AFF4: variants seen among roughly 807,000 people sequenced by gnomAD.
The protein encoded by AFF4 is AF4/FMR2 family member 4.
Under a neutral mutation model 124.8 loss-of-function variants are expected in AFF4, and 13 were observed. The ratio of observed to expected loss-of-function variants is 0.10; its 90% CI spans 0.07 to 0.17. The LOEUF (loss-of-function observed/expected upper bound fraction) is 0.17. Among genes scored for constraint, AFF4 ranks in the 10% least tolerant of loss-of-function variants. The pLI, the probability that AFF4 is intolerant of heterozygous loss-of-function variation, is 1.00. For synonymous variants in AFF4, 477 were observed against 496.1 expected (o/e 0.96, Z 0.51); for missense variants, 1,092 against 1,403.8 (o/e 0.78, Z 3.55).
intron 5 of AFF4, among the ~76,000 whole-genome samples, chr5:132,908,917 C>A (rs1274589846): frequency 6.6e-6 from 1 of 150,856 alleles, no homozygotes; most frequent in African/African-American, 2.4e-5. Flanking sequence ...ATTACAGGCA[C>A]CTGCCACCAC....
Position 132,912,843 on chromosome 5 carries a change from GACACACACACAACAC to G in AFF4, c.1051-8454_1051-8440del, listed in dbSNP as rs903575660. Among the ~76,000 whole-genome samples, 3 of 145,080 alleles carry G rather than the reference GACACACACACAACAC, an allele frequency of 2.1e-5. No homozygotes were observed. In the East Asian group the frequency reaches 6.4e-4, roughly 31 times the overall value. On this transcript the variant is annotated intron_variant, in intron 5 of 20. Transcript: ENST00000265343. Reference sequence around the variant, plus strand: ...ATAAAATCACTTGAAGATAGAGGCTGACACACACACAACACACACACACACACACACACACACACA... The same window carrying G: ...ATAAAATCACTTGAAGATAGAGGCTGACACACACACACACACACACACACA...
At position 132,927,202 on chromosome 5, in the gene AFF4, C is replaced by T; in HGVS notation, c.969G>A (p.Met323Ile). 1 of 1,610,074 alleles carries T rather than the reference C, an allele frequency of 6.2e-7. No individual in the cohort carries two copies. The highest frequency in any genetic ancestry group is 8.5e-7 in the Non-Finnish European group (1 of 1,178,648). ...TTAGAGGGGGAGGCCATGAATGCGTCATCTCCTGAAATGTAATTATTACAG... is the reference window on the plus strand; with the variant it reads ...TTAGAGGGGGAGGCCATGAATGCGTTATCTCCTGAAATGTAATTATTACAG... ...VSCVDEILKE[M>I]THSWPPPLTA... Residue 323 changes from methionine to isoleucine, a missense_variant, in exon 5 of 21, where the codon ATG becomes ATA. Around this residue, in one of 11 missense-constraint regions of AFF4, gnomAD observed 148 missense variants for 196.3 expected, o/e 0.75. Coordinates refer to ENST00000265343, the MANE Select transcript of AFF4 (RefSeq NM_014423.4).
chr5:132,954,587 GC>G (rs1367967220), intron 1 of AFF4, among the ~76,000 whole-genome samples: 1 of 134,228 alleles, frequency 7.5e-6, no homozygotes, highest in Admixed American at 8.3e-5. Context: ...TCGCTCTGTC[GC>G]CCAGGCTGGA....
chr5:132,884,396 C>T (rs961593730), intron 19 of AFF4, among the ~76,000 whole-genome samples: 8 of 152,048 alleles, frequency 5.3e-5, no homozygotes, highest in Non-Finnish European at 1.2e-4. Context: ...CGCACGACAC[C>T]ACACCCGGCT....
intron 5 of AFF4, among the ~76,000 whole-genome samples, chr5:132,917,705 C>CTT (rs58145774): frequency 4.7e-4 from 35 of 74,040 alleles, no homozygotes; most frequent in South Asian, 1.4e-3. Flanking sequence ...CTTTTCTTTT[C>CTT]TTTTTTTTTT....
intron 5 of AFF4, among the ~76,000 whole-genome samples, chr5:132,924,048 G>GT (rs1328290809): frequency 6.6e-6 from 1 of 152,170 alleles, no homozygotes; most frequent in Non-Finnish European, 1.5e-5. Context: ...GAGGTCGGGA[G>GT]TTTGAGACCA....
At chr5:132,933,433 G>C (rs1422683893) in intron 3 of AFF4, among the ~76,000 whole-genome samples, 5 of 151,934 alleles carry the variant, frequency 3.3e-5, no homozygotes, top group Middle Eastern at 3.4e-3. Context: ...ATTTGGGCCA[G>C]GCATGATGGT....
At chr5:132,948,345 C>T (rs1761750036) in intron 1 of AFF4, 1 of 152,180 alleles carries the variant, frequency 6.6e-6, no homozygotes, top group South Asian at 2.1e-4. Flanking sequence ...GATGAATGTT[C>T]TTTCCCATTC....
At chr5:132,930,913 T>G (rs1761282912) in intron 4 of AFF4, among the ~76,000 whole-genome samples, 1 of 124,772 alleles carries the variant, frequency 8.0e-6, no homozygotes, top group East Asian at 2.3e-4. Context: ...CTGGCCAACA[T>G]GGTGAAACCC....
chr5:132,894,859 A>G (rs1207039835), intron 11 of AFF4, among the ~76,000 whole-genome samples: 1 of 152,044 alleles, frequency 6.6e-6, no homozygotes, highest in Non-Finnish European at 1.5e-5. Flanking sequence ...GAGGCTGAGG[A>G]GGGAGGATCA....
At chr5:132,908,769 TATATA>T (rs1197099502) in intron 5 of AFF4, among the ~76,000 whole-genome samples, 5 of 101,408 alleles carry the variant, frequency 4.9e-5, no homozygotes, top group African/African-American at 1.6e-4. Flanking sequence ...TATATATATA[TATATA>T]TATTTTTTTT....
intron 7 of AFF4, among the ~76,000 whole-genome samples, chr5:132,900,050 C>T (rs1014007403): frequency 2.0e-5 from 3 of 152,138 alleles, no homozygotes; most frequent in African/African-American, 7.2e-5. Context: ...ATGAAAGCAT[C>T]AAGCAATTCT....
chr5:132,942,624 C>T (rs1397259804), intron 1 of AFF4, among the ~76,000 whole-genome samples: 1 of 152,164 alleles, frequency 6.6e-6, no homozygotes, highest in Non-Finnish European at 1.5e-5. Context: ...GCCACCATGC[C>T]AGGATGATTT....
intron 5 of AFF4, among the ~76,000 whole-genome samples, chr5:132,916,507 T>C (rs1199799281): frequency 6.6e-6 from 1 of 152,140 alleles, no homozygotes; most frequent in Non-Finnish European, 1.5e-5. Flanking sequence ...GAATACTGCT[T>C]GTACATCTTC....
intron 1 of AFF4, among the ~76,000 whole-genome samples, chr5:132,953,838 T>C (rs901977821): frequency 3.3e-5 from 5 of 152,204 alleles, no homozygotes; most frequent in Admixed American, 2.6e-4. Flanking sequence ...GCCTTTCTAA[T>C]TGGACTTCTA....
rs1759817955 is a variant in AFF4 at position 132,875,547 on chromosome 5, T to C, written c.*5512A>G. 1.6e-5 allele frequency: 3 copies of C among 190,998 alleles called. No individual in the cohort carries two copies. Among genetic ancestry groups the C allele is most frequent in the East Asian group, 1.7e-4 (2 of 11,914 alleles). 11.8% of individuals were successfully genotyped at this position (190,998 alleles called of 1,614,324 possible). A position where few individuals can be genotyped will look rare whatever the true frequency, so the allele number is the denominator to read the frequency against. On this transcript the variant is annotated 3_prime_UTR_variant, in exon 21 of 21. Coordinates refer to ENST00000265343, the MANE Select transcript of AFF4 (RefSeq NM_014423.4). The stretch of plus-strand genomic sequence containing the variant: ...TTGTCTCCAAATATTTTAATTGCCA[T>C]AAATTTGTTTAAAAATACACATTAA...
At chr5:132,952,309 G>A (rs145581603) in intron 1 of AFF4, among the ~76,000 whole-genome samples, 3 of 152,146 alleles carry the variant, frequency 2.0e-5, no homozygotes, top group East Asian at 1.9e-4. Context: ...TTCTGTTTCC[G>A]ATTTCCCACA....
chr5:132,894,102 ACTTTTTGG>A (rs1362114654), intron 11 of AFF4, among the ~76,000 whole-genome samples: 77 of 152,156 alleles, frequency 5.1e-4, no homozygotes, highest in African/African-American at 1.7e-3. Context: ...GGTTGTCTCC[ACTTTTTGG>A]CTAATATGAA....
At chr5:132,962,154 A>AT (rs1366363197) in intron 1 of AFF4, among the ~76,000 whole-genome samples, 1 of 152,258 alleles carries the variant, frequency 6.6e-6, no homozygotes, top group East Asian at 1.9e-4. Flanking sequence ...TTCAATTTTG[A>AT]TAAGTTAAAG....
Sources: gnomAD v4.1 joint callset for allele counts (sites outside exome capture counted in the v4.1 genomes callset) on GRCh38, gnomAD v4.1.1 for gene constraint, gnomAD v4.1.1 regional missense constraint, MANE v1.5 for transcripts, NCBI Gene and HGNC (gene_info 2026-07-23, HGNC 2026-07-21) for gene names.